The following CSGALNACT1 variants were observed in gnomAD, a reference collection of about 807,000 sequenced individuals.
The protein encoded by CSGALNACT1 is beta4GalNAcT-1.
In CSGALNACT1, 52 loss-of-function variants were observed where a neutral mutation model predicts 51.0. The observed-to-expected ratio is 1.02, with a 90% CI of 0.82 to 1.29. CSGALNACT1 has a LOEUF of 1.29. Ranked by LOEUF, CSGALNACT1 falls within the 50% of genes most tolerant of loss-of-function variation. CSGALNACT1 has a pLI of 0.00. For synonymous variants in CSGALNACT1, 341 were observed against 254.4 expected, an observed-to-expected ratio of 1.34 and a Z score of -3.24; for missense variants, 935 against 679.2, an observed-to-expected ratio of 1.38 and a Z score of -4.19.
At chr8:19,408,756 C>T in intron 8 of CSGALNACT1, 62 bp from the exon 8 acceptor site, 1 of 1,476,278 alleles carries the variant, frequency 6.8e-7, no homozygotes. Flanking sequence ...AGAGTGTTCA[C>T]AAACTCCTGT....
upstream of CSGALNACT1, among the ~76,000 whole-genome samples, chr8:19,684,817 G>T (rs552132413): frequency 6.6e-6 from 1 of 152,186 alleles, no homozygotes; most frequent in Non-Finnish European, 1.5e-5. Flanking sequence ...TCTCCAAAGT[G>T]TCAGTCATTT....
intron 1 of CSGALNACT1, among the ~76,000 whole-genome samples, chr8:19,623,145 C>T (rs2054034700): frequency 6.6e-6 from 1 of 152,074 alleles, no homozygotes; most frequent in Admixed American, 6.5e-5. Flanking sequence ...AAATACTAAC[C>T]AAACAGAAAC....
chr8:19,672,811 G>C (rs1217966677), intron 1 of CSGALNACT1, among the ~76,000 whole-genome samples: 1 of 152,100 alleles, frequency 6.6e-6, no homozygotes, highest in Non-Finnish European at 1.5e-5. Flanking sequence ...AAAAGTTAGT[G>C]AACAAGAAAA....
At chr8:19,715,468 T>A (rs900546590) in intron 1 of CSGALNACT1, among the ~76,000 whole-genome samples, 8 of 152,238 alleles carry the variant, frequency 5.3e-5, no homozygotes, top group African/African-American at 1.7e-4. Flanking sequence ...CTCATTCCTT[T>A]TTATGGCTGC....
At chr8:19,495,538 G>A (rs2075303573) in intron 4 of CSGALNACT1, among the ~76,000 whole-genome samples, 1 of 152,100 alleles carries the variant, frequency 6.6e-6, no homozygotes, top group African/African-American at 2.4e-5. Context: ...AGTGAGAGAG[G>A]GACTATCCCT....
At chr8:19,505,266 G>A in exon 4 of CSGALNACT1, 2 of 1,614,164 alleles carry the variant, frequency 1.2e-6, no homozygotes, top group African/African-American at 1.3e-5. Context: ...ACTGTTCAGG[G>A]TCTCCAAGGC....
intron 1 of CSGALNACT1, among the ~76,000 whole-genome samples, chr8:19,677,635 G>A (rs934706769): frequency 6.6e-6 from 1 of 152,174 alleles, no homozygotes; most frequent in African/African-American, 2.4e-5. Context: ...AAGTTCAGAT[G>A]TGGATAGGTT....
intron 1 of CSGALNACT1, among the ~76,000 whole-genome samples, chr8:19,694,672 C>T (rs918356605): frequency 6.6e-6 from 1 of 152,196 alleles, no homozygotes; most frequent in Non-Finnish European, 1.5e-5. Context: ...TCCCTTAATG[C>T]TAAATAAACT....
chr8:19,411,851 G>A (rs1208600397), intron 8 of CSGALNACT1, among the ~76,000 whole-genome samples: 1 of 87,074 alleles, frequency 1.1e-5, no homozygotes, highest in Non-Finnish European at 2.3e-5. Flanking sequence ...TTTTTTTTTT[G>A]ACGGAGTCTT....
chr8:19,545,134 C>T (rs1028558249), intron 3 of CSGALNACT1, among the ~76,000 whole-genome samples: 8 of 151,998 alleles, frequency 5.3e-5, no homozygotes, highest in African/African-American at 1.7e-4. Flanking sequence ...ATATATTTTC[C>T]TCCAATAAAA....
At chr8:19,635,528 A>G (rs1387606223) in intron 1 of CSGALNACT1, among the ~76,000 whole-genome samples, 1 of 151,976 alleles carries the variant, frequency 6.6e-6, no homozygotes, top group Admixed American at 6.6e-5. Flanking sequence ...TCTGTGTCCA[A>G]CTTCCTTGTT....
chr8:19,599,492 G>GAA (rs2049856138), intron 2 of CSGALNACT1, among the ~76,000 whole-genome samples: 1 of 97,238 alleles, frequency 1.0e-5, no homozygotes, highest in Non-Finnish European at 2.4e-5. Flanking sequence ...AAGAAAGAAA[G>GAA]AAAGAAAGAA....
intron 1 of CSGALNACT1, among the ~76,000 whole-genome samples, chr8:19,676,441 C>A (rs1407151793): frequency 6.6e-6 from 1 of 152,148 alleles, no homozygotes; most frequent in South Asian, 2.1e-4. Context: ...CCAAAATTCA[C>A]GGAATCGTCT....
At chr8:19,415,597 G>C (rs993183274) in intron 8 of CSGALNACT1, among the ~76,000 whole-genome samples, 1 of 152,066 alleles carries the variant, frequency 6.6e-6, no homozygotes, top group South Asian at 2.1e-4. Flanking sequence ...GATTCCCTTC[G>C]CAACTCCTAC....
chr8:19,713,721 G>C (rs1171044108), intron 1 of CSGALNACT1, among the ~76,000 whole-genome samples: 3 of 152,128 alleles, frequency 2.0e-5, no homozygotes, highest in African/African-American at 7.2e-5. Flanking sequence ...ACCCCCTATG[G>C]GTTTCAGAGG....
intron 1 of CSGALNACT1, among the ~76,000 whole-genome samples, chr8:19,638,274 C>T (rs2056344445): frequency 6.6e-6 from 1 of 152,126 alleles, no homozygotes; most frequent in Non-Finnish European, 1.5e-5. Flanking sequence ...GCCCTCCCTG[C>T]CTCAACTGTG....
At chr8:19,710,937 A>T (rs1287482275) in intron 1 of CSGALNACT1, among the ~76,000 whole-genome samples, 1 of 151,584 alleles carries the variant, frequency 6.6e-6, no homozygotes, top group East Asian at 1.9e-4. Context: ...TTTTTTCCTC[A>T]AAAGTACTGC....
intron 4 of CSGALNACT1, among the ~76,000 whole-genome samples, chr8:19,460,608 T>A (rs190056228): frequency 1.2e-3 from 177 of 152,252 alleles, no homozygotes; most frequent in Non-Finnish European, 2.1e-3. Context: ...CAGGGAGAAA[T>A]CTGACAAGTG....
intron 3 of CSGALNACT1, among the ~76,000 whole-genome samples, chr8:19,508,124 T>G (rs1326710233): frequency 1.3e-5 from 2 of 152,238 alleles, no homozygotes; most frequent in Non-Finnish European, 2.9e-5. Flanking sequence ...TCTATCCTAT[T>G]TACCGATGAG....
Sources: gnomAD v4.1 joint callset for allele counts (sites outside exome capture counted in the v4.1 genomes callset) on GRCh38, gnomAD v4.1.1 for gene constraint, MANE v1.5 for transcripts, NCBI Gene and HGNC (gene_info 2026-07-23, HGNC 2026-07-21) for gene names.